The following TMEM106C variants were observed in gnomAD, a reference collection of about 807,000 sequenced individuals.
TMEM106C encodes the protein endoplasmic reticulum membrane protein overexpressed in cancer.
In TMEM106C, 27 loss-of-function variants were observed where a neutral mutation model predicts 30.8. That is an observed-to-expected ratio of 0.88 (90% CI 0.65 to 1.21). TMEM106C has a LOEUF of 1.21. Among genes scored for constraint, TMEM106C ranks in the 50% most tolerant of loss-of-function variants. The pLI is 0.00. For missense variants in TMEM106C, 288 were observed against 307.8 expected, an observed-to-expected ratio of 0.94 and a Z score of 0.48; for synonymous variants, 123 against 118.8, an observed-to-expected ratio of 1.04 and a Z score of -0.23.
Position 47,965,282 on chromosome 12 carries a change from A to G in TMEM106C, c.188A>G (p.Glu63Gly), listed in dbSNP as rs1408898233. The G allele has an allele frequency of 6.2e-7, 1 of 1,613,900 alleles. No individual in the cohort carries two copies. The highest frequency in any genetic ancestry group is 1.7e-5 in the Admixed American group (1 of 59,962). ...TCQGTGYIPT[E>G]QVNELVALIP... The stretch of plus-strand genomic sequence containing the variant: ...AAATAATTGTTTGGCTCTTTTCTAG[A>G]GCAAGTAAATGAGTTGGTGGCTTTG... Residue 63 changes from glutamate (E) to glycine (G), a missense_variant and splice_region_variant, in exon 3 of 8, where the codon GAG (glutamate) becomes GGG (glycine). Coordinates refer to ENST00000429772, the MANE Select transcript of TMEM106C (RefSeq NM_001143842.2).
chr12:47,965,818 A>C lies in TMEM106C; in HGVS notation c.252-20A>C. ...TGATATCTGACTGCCTGGGTCGGTC[A>C]TGTGCTGTGTCATTTGCAGTAAGCA... On this transcript the variant is annotated intron_variant, in intron 3 of 7. Coordinates refer to ENST00000429772, the MANE Select transcript of TMEM106C (RefSeq NM_001143842.2). 6.2e-7 allele frequency: 1 copy of C among 1,613,862 alleles called. No individual in the cohort carries two copies. Among genetic ancestry groups the C allele is most frequent in the Non-Finnish European group, 8.5e-7 (1 of 1,179,822 alleles).
rs548305402 is a variant in TMEM106C, at chr12:47,964,742, G to A, written c.187+319G>A. 73 of 369,594 alleles carry A rather than the reference G, an allele frequency of 2.0e-4. No individual in the cohort carries two copies. The Admixed American group carries it at 2.2e-3, about 11-fold the overall frequency. The allele number at this position is 369,594 out of a possible 1,614,324, so 22.9% of individuals were successfully genotyped here. On this transcript the variant is annotated intron_variant, in intron 2 of 7. Transcript: ENST00000429772. Reference sequence around the variant, plus strand: ...GTCACAAGGATTGGGACAGCTTTGCGGGGGAACCATCTTGGAAGCTGCTTT... The same window carrying A: ...GTCACAAGGATTGGGACAGCTTTGCAGGGGAACCATCTTGGAAGCTGCTTT...
chr12:47,963,813 A>G, intron 1 of TMEM106C, 109 bp downstream of exon 1: 1 of 224,784 alleles, frequency 4.4e-6, no homozygotes, highest in Non-Finnish European at 8.9e-6. Context: ...TGGGGGGTGG[A>G]GAGGAATGGG....
In TMEM106C at chr12:47,966,606, C is replaced by G; in HGVS notation, c.553-77C>G. 2 of 1,506,834 alleles carry G rather than the reference C, an allele frequency of 1.3e-6. 1 individual carries two copies. 93.3% of individuals were successfully genotyped at this position (1,506,834 alleles called of 1,614,324 possible). On this transcript the variant is annotated intron_variant, in intron 5 of 7. Coordinates refer to ENST00000429772, the MANE Select transcript of TMEM106C (RefSeq NM_001143842.2). The stretch of plus-strand genomic sequence containing the variant: ...ATGTGATGGAAGAATGACCCAAGGT[C>G]TTTGGATTGCTAATAATAATACTGT...
chr12:47,964,524 A>G, intron 2 of TMEM106C, 101 bp downstream of exon 2: 1 of 1,104,874 alleles, frequency 9.1e-7, no homozygotes, highest in Middle Eastern at 2.5e-4. Context: ...ATACCATAAT[A>G]GAGACAGTGC....
rs778926890 is a variant in TMEM106C at position 47,968,537 on chromosome 12, C to T, written c.*308C>T. ...AGGGCATTATAAATGGAAATCATAACGTGGTTCTAGGTTATCAAACCATGG... is the reference window on the plus strand; with the variant it reads ...AGGGCATTATAAATGGAAATCATAATGTGGTTCTAGGTTATCAAACCATGG... On this transcript the variant is annotated 3_prime_UTR_variant, in exon 8 of 8. Transcript: ENST00000429772. 4 of 394,490 alleles carry T rather than the reference C, an allele frequency of 1.0e-5. No homozygotes were observed. The highest frequency in any genetic ancestry group is 4.2e-5 in the African/African-American group (2 of 48,082). 24.4% of individuals were successfully genotyped at this position (394,490 alleles called of 1,614,324 possible).
At position 47,964,189 on chromosome 12, in the gene TMEM106C, A is replaced by AC. The variant is rs1938142359; in HGVS notation, c.-28-19dup. The AC allele has an allele frequency of 1.3e-6, 2 of 1,583,680 alleles. No individual in the cohort carries two copies. The highest frequency in any genetic ancestry group is 1.7e-6 in the Non-Finnish European group (2 of 1,159,542). ...TGATTCACTGGGGCCGCTAACGTGC[A>AC]CTCCCTCTTTTCATCTTAGGACATG... On this transcript the variant is annotated intron_variant, in intron 1 of 7. Coordinates refer to ENST00000429772, the MANE Select transcript of TMEM106C (RefSeq NM_001143842.2).
Position 47,968,330 on chromosome 12 carries a change from G to A in TMEM106C, c.*101G>A. 1 of 910,802 alleles carries A rather than the reference G, an allele frequency of 1.1e-6. No individual in the cohort carries two copies. Among genetic ancestry groups the A allele is most frequent in the Non-Finnish European group, 1.8e-6 (1 of 559,660 alleles). 56.4% of individuals were successfully genotyped at this position (910,802 alleles called of 1,614,324 possible). On this transcript the variant is annotated 3_prime_UTR_variant, in exon 8 of 8. Transcript: ENST00000429772. ...CCTACCCCCACGTGGTGTAAGCAGA[G>A]GAGGAATTGGTTCACTTAACTCCCA...
At chr12:47,964,592 T>C in intron 2 of TMEM106C, 169 bp downstream of exon 2, 4 of 616,160 alleles carry the variant, frequency 6.5e-6, no homozygotes, top group Non-Finnish European at 1.1e-5. Flanking sequence ...GCAACTTCTC[T>C]TCCTCTCCTT....
chr12:47,968,545 T>C lies in TMEM106C; in HGVS notation c.*316T>C. ...ATAAATGGAAATCATAACGTGGTTCTAGGTTATCAAACCATGGAGTGATGT... is the reference window on the plus strand; with the variant it reads ...ATAAATGGAAATCATAACGTGGTTCCAGGTTATCAAACCATGGAGTGATGT... On this transcript the variant is annotated 3_prime_UTR_variant, in exon 8 of 8. Coordinates refer to ENST00000429772, the MANE Select transcript of TMEM106C (RefSeq NM_001143842.2). 3 of 385,206 alleles carry C rather than the reference T, an allele frequency of 7.8e-6. No homozygotes were observed. The highest frequency in any genetic ancestry group is 1.5e-5 in the Non-Finnish European group (3 of 198,868). 23.9% of individuals were successfully genotyped at this position (385,206 alleles called of 1,614,324 possible).
intron 3 of TMEM106C, 130 bp from the exon 4 acceptor site, chr12:47,965,707 TG>T: frequency 8.7e-7 from 1 of 1,143,164 alleles, no homozygotes; most frequent in Non-Finnish European, 1.3e-6. Flanking sequence ...GCTTCTTAAC[TG>T]GTTTATGGTT....
Position 47,963,968 on chromosome 12 carries a change from A to G in TMEM106C, c.-28-241A>G, listed in dbSNP as rs1938133919. On this transcript the variant is annotated intron_variant, in intron 1 of 7. Transcript: ENST00000429772. ...GTCCCAGGGCGGTGAGGATCGAGGC[A>G]GGTGCGTGAAAGGCAGGCCCCGTTC... is the stretch of plus-strand genomic sequence containing the variant. The G allele has an allele frequency of 7.8e-6, 4 of 513,774 alleles. No individual in the cohort carries two copies. The South Asian group carries it at 8.3e-5, about 11-fold the overall frequency. The allele number at this position is 513,774 out of a possible 1,614,324, so 31.8% of individuals were successfully genotyped here. A position where few individuals can be genotyped will look rare whatever the true frequency, so the allele number is the denominator to read the frequency against.
At chr12:47,966,809 C>A in intron 6 of TMEM106C, 77 bp downstream of exon 6, 1 of 1,512,264 alleles carries the variant, frequency 6.6e-7, no homozygotes, top group Non-Finnish European at 9.2e-7. Flanking sequence ...TGATTGGGGC[C>A]TGGTCCTGCC....
In TMEM106C at chr12:47,965,435, A is replaced by G; in HGVS notation, c.251+90A>G. 3 of 1,207,474 alleles carry G rather than the reference A, an allele frequency of 2.5e-6. 1 individual carries two copies. Among genetic ancestry groups the G allele is most frequent in the South Asian group, 2.6e-5 (2 of 77,826 alleles). The allele number at this position is 1,207,474 out of a possible 1,614,324, so 74.8% of individuals were successfully genotyped here. A position where few individuals can be genotyped will look rare whatever the true frequency, so the allele number is the denominator to read the frequency against. On this transcript the variant is annotated intron_variant, in intron 3 of 7. Transcript: ENST00000429772. Reference sequence around the variant, plus strand: ...AATGCCAGTTAATTCTTTGAAAACTACACATGTTCTTATAAGTTCCCCATT... The same window carrying G: ...AATGCCAGTTAATTCTTTGAAAACTGCACATGTTCTTATAAGTTCCCCATT...
intron 7 of TMEM106C, 36 bp from the exon 8 acceptor site, chr12:47,968,097 A>G (rs772091058): frequency 1.3e-6 from 2 of 1,570,958 alleles, no homozygotes; most frequent in Middle Eastern, 1.7e-4. Flanking sequence ...TCATCCCCCA[A>G]ACATAATTAA....
In TMEM106C at chr12:47,968,292, C is replaced by T. The variant is rs1258304740; in HGVS notation, c.*63C>T. 9 of 1,351,042 alleles carry T rather than the reference C, an allele frequency of 6.7e-6. No homozygotes were observed. The highest frequency in any genetic ancestry group is 9.5e-6 in the Non-Finnish European group (9 of 946,574). 83.7% of individuals were successfully genotyped at this position (1,351,042 alleles called of 1,614,324 possible). A position where few individuals can be genotyped will look rare whatever the true frequency, so the allele number is the denominator to read the frequency against. ...GAGAGCACAGCATATGTTCCCAAGG[C>T]CTGAGTTCTGGACCTACCCCCACGT... On this transcript the variant is annotated 3_prime_UTR_variant, in exon 8 of 8. Coordinates refer to ENST00000429772, the MANE Select transcript of TMEM106C (RefSeq NM_001143842.2).
At chr12:47,968,051 T>G (rs1169777964) in intron 7 of TMEM106C, 82 bp from the exon 8 acceptor site, 7 of 1,133,114 alleles carry the variant, frequency 6.2e-6, no homozygotes, top group Admixed American at 3.5e-5. Context: ...TCTCTGAACT[T>G]GCAAAAAATT....
intron 7 of TMEM106C, 65 bp downstream of exon 7, chr12:47,967,326 A>G: frequency 1.9e-6 from 3 of 1,575,486 alleles, no homozygotes; most frequent in East Asian, 2.2e-5. Context: ...TTTGCTCAGG[A>G]GGCCCCTGTG....
chr12:47,964,007 C>T (rs1015036225), intron 1 of TMEM106C: 5 of 563,148 alleles, frequency 8.9e-6, no homozygotes, highest in Non-Finnish European at 6.3e-6. Context: ...CTCCCCACCC[C>T]CGCCGGCTGT....
Sources: gnomAD v4.1 joint callset for allele counts on GRCh38, gnomAD v4.1.1 for gene constraint, MANE v1.5 for transcripts, NCBI Gene and HGNC (gene_info 2026-07-23, HGNC 2026-07-21) for gene names.